CELF4: variants seen among roughly 807,000 people sequenced by gnomAD.
The protein encoded by CELF4 is CUG-BP- and ETR-3-like factor 4.
Under a neutral mutation model 59.9 loss-of-function variants are expected in CELF4, and 18 were observed. The ratio of observed to expected loss-of-function variants is 0.30; its 90% CI spans 0.21 to 0.45. The LOEUF (loss-of-function observed/expected upper bound fraction) is 0.45, where lower values mean the gene tolerates loss of function less well. Ranked by LOEUF, CELF4 falls within the 20% of genes least tolerant of loss-of-function variation. The probability of loss-of-function intolerance (pLI) is 1.00; values close to 1 mark genes in which losing one functional copy is unlikely to be tolerated. For missense variants in CELF4, 456 were observed against 689.0 expected (o/e 0.66, Z 3.79); for synonymous variants, 261 against 267.1 (o/e 0.98, Z 0.22).
chr18:37,486,930 C>T (rs914960351), intron 1 of CELF4, among the ~76,000 whole-genome samples: 2 of 152,260 alleles, frequency 1.3e-5, no homozygotes, highest in Admixed American at 1.3e-4. Flanking sequence ...CTCCAGGCAG[C>T]CCTCCTTGGC....
At chr18:37,296,917 T>C (rs2095679669) in intron 3 of CELF4, among the ~76,000 whole-genome samples, 1 of 152,108 alleles carries the variant, frequency 6.6e-6, no homozygotes, top group Non-Finnish European at 1.5e-5. Context: ...GAGCAGAATC[T>C]CCACTCCAGC....
chr18:37,408,494 G>GGT (rs1557416130), intron 2 of CELF4, among the ~76,000 whole-genome samples: 1 of 49,120 alleles, frequency 2.0e-5, no homozygotes, highest in African/African-American at 4.7e-5. Context: ...GTTGGTGCCG[G>GGT]GGGGGGGCGC....
At chr18:37,318,137 C>G (rs375006914) in intron 3 of CELF4, among the ~76,000 whole-genome samples, 2 of 152,258 alleles carry the variant, frequency 1.3e-5, no homozygotes, top group East Asian at 3.9e-4. Context: ...CTCTGGGTTT[C>G]GGGGACTCGT....
chr18:37,389,446 T>C (rs1886293647), intron 2 of CELF4, among the ~76,000 whole-genome samples: 2 of 152,214 alleles, frequency 1.3e-5, no homozygotes, highest in African/African-American at 4.8e-5. Flanking sequence ...ACACTGCTAA[T>C]TTAATTATTC....
intron 2 of CELF4, among the ~76,000 whole-genome samples, chr18:37,429,778 T>C (rs1454506972): frequency 6.6e-6 from 1 of 152,194 alleles, no homozygotes; most frequent in Non-Finnish European, 1.5e-5. Flanking sequence ...GCAGGGGCTC[T>C]CCTCTACAGC....
At position 37,565,522 on chromosome 18, in the gene CELF4, C is replaced by T. The variant is rs985735992; in HGVS notation, c.120G>A (p.Pro40=). 40 of 1,614,052 alleles carry T rather than the reference C, an allele frequency of 2.5e-5. No individual in the cohort carries two copies. The highest frequency in any genetic ancestry group is 3.2e-5 in the Non-Finnish European group (38 of 1,180,036). Residue 40 remains proline (P), a synonymous_variant, in exon 1 of 13, where the codon CCG becomes CCA. Transcript: ENST00000420428. ...TCATGGGAATGGTCGACGGGTTCCC[C>T]GGGCTGTGGCTTAATCCGTTCATGT... ...AGHMNGLSHS[P]GNPSTIPMKD...
intron 3 of CELF4, among the ~76,000 whole-genome samples, chr18:37,303,243 G>A (rs1181758393): frequency 6.6e-6 from 1 of 152,122 alleles, no homozygotes; most frequent in Admixed American, 6.5e-5. Context: ...AAGGGGATTT[G>A]GCTCTGTTCC....
At chr18:37,521,550 T>C (rs2099957442) in intron 1 of CELF4, among the ~76,000 whole-genome samples, 1 of 152,194 alleles carries the variant, frequency 6.6e-6, no homozygotes, top group Non-Finnish European at 1.5e-5. Flanking sequence ...CACCATTAAA[T>C]CTGGAGTATA....
At chr18:37,417,868 G>A (rs556007220) in intron 2 of CELF4, among the ~76,000 whole-genome samples, 2 of 152,256 alleles carry the variant, frequency 1.3e-5, no homozygotes, top group Non-Finnish European at 2.9e-5. Flanking sequence ...AAAGGGGTGG[G>A]GTAAGAAACA....
chr18:37,339,343 C>A (rs914686517), intron 2 of CELF4, among the ~76,000 whole-genome samples: 2 of 152,196 alleles, frequency 1.3e-5, no homozygotes, highest in East Asian at 3.8e-4. Flanking sequence ...GCTTGGCTTG[C>A]GCCTGGAGGA....
chr18:37,419,792 AAG>A (rs1301935879), intron 2 of CELF4, among the ~76,000 whole-genome samples: 2 of 152,120 alleles, frequency 1.3e-5, no homozygotes, highest in African/African-American at 4.8e-5. Context: ...TTTAAGGACA[AAG>A]AGAGAACCAG....
intron 1 of CELF4, among the ~76,000 whole-genome samples, chr18:37,512,397 C>T (rs1569569711): frequency 6.6e-6 from 1 of 152,152 alleles, no homozygotes; most frequent in African/African-American, 2.4e-5. Context: ...TCTTTCTCTT[C>T]CTCCGGTTCC....
intron 3 of CELF4, among the ~76,000 whole-genome samples, chr18:37,284,429 G>A (rs1258971452): frequency 6.6e-6 from 1 of 152,092 alleles, no homozygotes; most frequent in Non-Finnish European, 1.5e-5. Context: ...TCCAACCCTG[G>A]GCCCATTCTT....
At chr18:37,459,558 G>C (rs2099787983) in intron 2 of CELF4, among the ~76,000 whole-genome samples, 1 of 152,080 alleles carries the variant, frequency 6.6e-6, no homozygotes, top group Non-Finnish European at 1.5e-5. Flanking sequence ...GGAGGAATGA[G>C]GACTGGACAG....
At chr18:37,267,747 G>C (rs923975532) in intron 8 of CELF4, among the ~76,000 whole-genome samples, 4 of 152,148 alleles carry the variant, frequency 2.6e-5, no homozygotes, top group African/African-American at 9.7e-5. Context: ...TAGAAAAAGG[G>C]CACCTGGGCT....
chr18:37,307,168 G>A (rs1006454889), intron 3 of CELF4, among the ~76,000 whole-genome samples: 1 of 152,104 alleles, frequency 6.6e-6, no homozygotes, highest in African/African-American at 2.4e-5. Context: ...GGTGCTCCCC[G>A]CCCACCTGGC....
At position 37,511,353 on chromosome 18, in the gene CELF4, C is replaced by T. The variant is rs1004814308; in HGVS notation, c.287-25746G>A. 4.6e-5 allele frequency among the ~76,000 whole-genome samples: 7 copies of T among 152,076 alleles called. No homozygotes were observed. In the South Asian group the frequency reaches 1.0e-3, roughly 23 times the overall value. On this transcript the variant is annotated intron_variant, in intron 1 of 12. Transcript: ENST00000420428. The stretch of plus-strand genomic sequence containing the variant: ...CAAGCTTCCTGGGGCACGGTTGGGT[C>T]TCCCCGCGTCCGGGTCCCCTGCACA...
intron 2 of CELF4, among the ~76,000 whole-genome samples, chr18:37,366,153 C>T (rs1455854018): frequency 6.6e-6 from 1 of 152,178 alleles, no homozygotes; most frequent in African/African-American, 2.4e-5. Context: ...CTGTGTACAC[C>T]ATGCTGAGGA....
chr18:37,492,440 G>A (rs923678254), intron 1 of CELF4, among the ~76,000 whole-genome samples: 5 of 152,154 alleles, frequency 3.3e-5, no homozygotes, highest in African/African-American at 1.2e-4. Context: ...GGAGTGGATC[G>A]CAAGAGGGAG....
Sources: gnomAD v4.1 joint callset for allele counts (sites outside exome capture counted in the v4.1 genomes callset) on GRCh38, gnomAD v4.1.1 for gene constraint, MANE v1.5 for transcripts, NCBI Gene and HGNC (gene_info 2026-07-23, HGNC 2026-07-21) for gene names.